The following TCEAL4 variants were observed in gnomAD, a reference collection of about 807,000 sequenced individuals.
TCEAL4 encodes the protein transcription elongation factor A like 4.
Under a neutral mutation model 1.3 loss-of-function variants are expected in TCEAL4, and 1 was observed. That is an observed-to-expected ratio of 0.79 (90% CI 0.28 to 3.76). The LOEUF is 3.76. Ranked by LOEUF, TCEAL4 falls within the 30% of genes most tolerant of loss-of-function variation. The pLI is 0.18. For synonymous variants in TCEAL4, 54 were observed against 50.7 expected (o/e 1.06, Z -0.28); for missense variants, 129 against 154.7 (o/e 0.83, Z 0.88).
chrX:103,578,355 T>C (rs2073493312), intron 2 of TCEAL4, among the ~76,000 whole-genome samples: 1 of 112,259 alleles, frequency 8.9e-6, no homozygotes, highest in African/African-American at 3.2e-5. Flanking sequence ...CTTGGGGATA[T>C]ACTTAGGAGT....
rs2073560226 is a variant in TCEAL4 at position 103,587,026 on chromosome X, A to G, written c.351A>G (p.Pro117=). 8.3e-7 allele frequency: 1 copy of G among 1,211,708 alleles called. No individual in the cohort carries two copies. Among genetic ancestry groups the G allele is most frequent in the Non-Finnish European group, 1.1e-6 (1 of 895,544 alleles). Residue 117 remains proline, a synonymous_variant, in exon 3 of 3, where the codon CCA becomes CCG. Transcript: ENST00000472484. The part of the protein sequence containing the change: ...GSETRAAGKR[P]AEDDVPRKAK... ...AAACAAGGGCTGCAGGAAAGCGCCCAGCTGAGGATGATGTACCCAGGAAAG... is the reference window on the plus strand; with the variant it reads ...AAACAAGGGCTGCAGGAAAGCGCCCGGCTGAGGATGATGTACCCAGGAAAG...
chrX:103,586,038 A>G (rs1407579231), intron 1 of TCEAL4, 181 bp from the exon 2 acceptor site: 6 of 1,080,912 alleles, frequency 5.6e-6, no homozygotes, highest in Non-Finnish European at 6.0e-6. Flanking sequence ...GAGACCCAAA[A>G]TTAGTTTGGA....
At chrX:103,585,073 G>T (rs745966387), upstream of TCEAL4, among the ~76,000 whole-genome samples, 1 of 112,444 alleles carries the variant, frequency 8.9e-6, no homozygotes, top group South Asian at 3.6e-4. Context: ...TAAATTAATC[G>T]TTGTTTTATT....
At chrX:103,585,982 A>G in intron 1 of TCEAL4, 1 of 1,073,629 alleles carries the variant, frequency 9.3e-7, no homozygotes, top group South Asian at 2.6e-5. Context: ...AAAAACGTTG[A>G]CCGCGAGGCT....
exon 1 of TCEAL4, chrX:103,576,461 G>A (rs1405838845): frequency 5.1e-6 from 6 of 1,166,460 alleles, no homozygotes; most frequent in Non-Finnish European, 6.9e-6. Flanking sequence ...TCATGATGCT[G>A]AGGTCAAGAT....
intron 2 of TCEAL4, 104 bp downstream of exon 2, chrX:103,586,395 A>G (rs1330461757): frequency 3.9e-5 from 39 of 989,443 alleles, no homozygotes; most frequent in Non-Finnish European, 5.4e-5. Context: ...CCCCACCCAC[A>G]TGAACACACA....
upstream of TCEAL4, among the ~76,000 whole-genome samples, chrX:103,580,975 T>G (rs1448389166): frequency 9.1e-6 from 1 of 110,386 alleles, no homozygotes; most frequent in Non-Finnish European, 1.9e-5. Context: ...AAAAATAAAA[T>G]AGATAGACTG....
upstream of TCEAL4, among the ~76,000 whole-genome samples, chrX:103,583,989 G>A (rs537937430): frequency 1.2e-3 from 128 of 111,156 alleles, no homozygotes; most frequent in Middle Eastern, 0.037. Context: ...GTGCAATGGC[G>A]TGATCTCGGC....
rs1015763397 is a variant in TCEAL4 at position 103,587,498 on chromosome X, AAC to A, written c.*179_*180del. ...TTGATGGTGCATTGTAAAATTAAAA[AAC>A]ACAACTTGCAGAACCAAATATATGG... On this transcript the variant is annotated 3_prime_UTR_variant, in exon 3 of 3. Transcript: ENST00000472484. 6 of 547,417 alleles carry A rather than the reference AAC, an allele frequency of 1.1e-5. No individual in the cohort carries two copies. Among genetic ancestry groups the A allele is most frequent in the Non-Finnish European group, 1.3e-5 (5 of 374,706 alleles). The allele number at this position is 547,417 out of a possible 1,213,427, so 45.1% of individuals were successfully genotyped here. A position where few individuals can be genotyped will look rare whatever the true frequency, so the allele number is the denominator to read the frequency against.
rs1309245757 is a variant in TCEAL4 at position 103,587,074 on chromosome X, G to A, written c.399G>A (p.Gly133=). The part of the protein sequence containing the change: ...PRKAKRKTNK[G]LAHYLKEYKE... ...AAGCCAAAAGAAAAACTAATAAGGG[G>A]CTGGCTCATTACCTCAAGGAGTATA... The change falls in exon 3 of 3, where the codon GGG becomes GGA. Residue 133 remains glycine (G), a synonymous_variant. Coordinates refer to ENST00000472484, the MANE Select transcript of TCEAL4 (RefSeq NM_001006935.3). 2 of 1,209,482 alleles carry A rather than the reference G, an allele frequency of 1.7e-6. No homozygotes were observed. Among genetic ancestry groups the A allele is most frequent in the Non-Finnish European group, 2.2e-6 (2 of 895,203 alleles).
chrX:103,579,521 A>T (rs2073498364), intron 2 of TCEAL4, among the ~76,000 whole-genome samples: 1 of 112,374 alleles, frequency 8.9e-6, no homozygotes, highest in South Asian at 3.6e-4. Context: ...GTGTTTTATT[A>T]TCTTTATGCT....
upstream of TCEAL4, among the ~76,000 whole-genome samples, chrX:103,584,967 C>A (rs1193207662): frequency 8.9e-6 from 1 of 112,900 alleles, no homozygotes; most frequent in African/African-American, 3.2e-5. Context: ...AGATGCTATA[C>A]TTTGGCTTTT....
At chrX:103,580,690 C>G (rs1009896338), upstream of TCEAL4, among the ~76,000 whole-genome samples, 1 of 111,269 alleles carries the variant, frequency 9.0e-6, no homozygotes, top group Non-Finnish European at 1.9e-5. Flanking sequence ...CTCCTGGGCT[C>G]AAGCAATCCA....
intron 2 of TCEAL4, among the ~76,000 whole-genome samples, chrX:103,578,638 T>C (rs2073494482): frequency 8.9e-6 from 1 of 112,196 alleles, no homozygotes; most frequent in Non-Finnish European, 1.9e-5. Context: ...ATTTGTATAT[T>C]TTCTTTGGAG....
chrX:103,576,358 T>C, exon 1 of TCEAL4: 1 of 946,298 alleles, frequency 1.1e-6, no homozygotes, highest in East Asian at 3.4e-5. Flanking sequence ...ATACAGGTTA[T>C]TAAGGTTAGT....
intron 2 of TCEAL4, among the ~76,000 whole-genome samples, chrX:103,580,397 G>A (rs967495472): frequency 9.0e-6 from 1 of 111,716 alleles, no homozygotes; most frequent in Non-Finnish European, 1.9e-5. Context: ...AATCACTATT[G>A]TAGTTATAAT....
intron 1 of TCEAL4, chrX:103,576,619 C>G: frequency 1.9e-6 from 1 of 524,948 alleles, no homozygotes; most frequent in South Asian, 3.1e-5. Flanking sequence ...TAAAAATTAG[C>G]CTGGTGTGGT....
At chrX:103,576,428 G>C in exon 1 of TCEAL4, 4 of 1,165,566 alleles carry the variant, frequency 3.4e-6, no homozygotes, top group Non-Finnish European at 3.4e-6. Flanking sequence ...GAGTTCAGCT[G>C]CTAGGTTCTT....
intron 2 of TCEAL4, among the ~76,000 whole-genome samples, chrX:103,578,922 A>C (rs2073495447): frequency 8.9e-6 from 1 of 112,203 alleles, no homozygotes; most frequent in South Asian, 3.7e-4. Context: ...ATCCAAGGTC[A>C]TAAAGAATTA....
Sources: gnomAD v4.1 joint callset for allele counts (sites outside exome capture counted in the v4.1 genomes callset) on GRCh38, gnomAD v4.1.1 for gene constraint, MANE v1.5 for transcripts, NCBI Gene and HGNC (gene_info 2026-07-23, HGNC 2026-07-21) for gene names.